ATXN1: variants seen among roughly 807,000 people sequenced by gnomAD.
ATXN1 encodes the protein ataxin-1.
Under a neutral mutation model 56.4 loss-of-function variants are expected in ATXN1, and 8 were observed. The ratio of observed to expected loss-of-function variants is 0.14; its 90% CI spans 0.08 to 0.26. ATXN1 has a LOEUF of 0.26. Ranked by LOEUF, ATXN1 falls within the 10% of genes least tolerant of loss-of-function variation. The pLI, the probability that ATXN1 is intolerant of heterozygous loss-of-function variation, is 1.00. For missense variants in ATXN1, 987 were observed against 1,106.5 expected, an observed-to-expected ratio of 0.89 and a Z score of 1.53; for synonymous variants, 514 against 494.6, an observed-to-expected ratio of 1.04 and a Z score of -0.52.
chr6:16,516,954 G>A (rs370756663), intron 5 of ATXN1, among the ~76,000 whole-genome samples: 119 of 152,238 alleles, frequency 7.8e-4, no homozygotes, highest in South Asian at 6.8e-3. Flanking sequence ...TGTGAGCCTC[G>A]CAAGCAGTAG....
intron 3 of ATXN1, among the ~76,000 whole-genome samples, chr6:16,589,394 C>G (rs1209472299): frequency 6.6e-6 from 1 of 151,368 alleles, no homozygotes; most frequent in Non-Finnish European, 1.5e-5. Context: ...TGTGTATATA[C>G]ACGCACACAT....
chr6:16,610,305 G>GA (rs1394731102), intron 3 of ATXN1, among the ~76,000 whole-genome samples: 2 of 150,988 alleles, frequency 1.3e-5, no homozygotes, highest in Non-Finnish European at 3.0e-5. Flanking sequence ...TATACAAGAA[G>GA]AAAAAAATGA....
intron 2 of ATXN1, among the ~76,000 whole-genome samples, chr6:16,715,038 C>T (rs1353646552): frequency 6.6e-6 from 1 of 152,154 alleles, no homozygotes; most frequent in Non-Finnish European, 1.5e-5. Flanking sequence ...CTCCCCTCTC[C>T]TTCCCTAACC....
chr6:16,549,541 G>A (rs1761877325), intron 4 of ATXN1, among the ~76,000 whole-genome samples: 1 of 152,146 alleles, frequency 6.6e-6, no homozygotes, highest in East Asian at 1.9e-4. Flanking sequence ...GGTGTCTGTT[G>A]TCCCACAGAG....
intron 6 of ATXN1, among the ~76,000 whole-genome samples, chr6:16,413,438 T>C (rs4716067): frequency 0.69 from 104,294 of 151,966 alleles, 36,195 homozygotes; most frequent in East Asian, 0.98. Context: ...GCTATAAACA[T>C]CCATCTTACT....
At chr6:16,595,810 G>T (rs1762803965) in intron 3 of ATXN1, among the ~76,000 whole-genome samples, 1 of 152,148 alleles carries the variant, frequency 6.6e-6, no homozygotes, top group Admixed American at 6.5e-5. Flanking sequence ...AGATTTTTTG[G>T]TGACTATCAG....
chr6:16,570,429 T>G (rs1762311866), intron 4 of ATXN1, among the ~76,000 whole-genome samples: 2 of 152,172 alleles, frequency 1.3e-5, no homozygotes, highest in African/African-American at 4.8e-5. Flanking sequence ...AGAATTTTTT[T>G]ATTGGTCATT....
At chr6:16,607,663 T>C (rs1763035500) in intron 3 of ATXN1, among the ~76,000 whole-genome samples, 1 of 152,222 alleles carries the variant, frequency 6.6e-6, no homozygotes, top group Non-Finnish European at 1.5e-5. Context: ...TGAAAACCAC[T>C]TCTTGCTTTA....
chr6:16,728,581 T>C (rs1359531924), intron 2 of ATXN1, among the ~76,000 whole-genome samples: 1 of 152,180 alleles, frequency 6.6e-6, no homozygotes, highest in African/African-American at 2.4e-5. Context: ...GCTACACAAA[T>C]AAGTTAGAAA....
chr6:16,608,570 A>G (rs1352993355), intron 3 of ATXN1, among the ~76,000 whole-genome samples: 1 of 152,234 alleles, frequency 6.6e-6, no homozygotes, highest in Non-Finnish European at 1.5e-5. Flanking sequence ...GGGGAGAAGC[A>G]ATAATCTGCT....
Position 16,300,911 on chromosome 6 carries a change from G to A in ATXN1, c.*5418C>T, listed in dbSNP as rs1409100590. On this transcript the variant is annotated 3_prime_UTR_variant, in exon 8 of 8. Coordinates refer to ENST00000436367, the MANE Select transcript of ATXN1 (RefSeq NM_001128164.2). ...CAGTATTCTCAAATCGCAGAATACC[G>A]AGTTCCCCTCCCTCAGACGAGGGCT... is the stretch of plus-strand genomic sequence containing the variant. 2.6e-5 allele frequency: 4 copies of A among 152,576 alleles called. No homozygotes were observed. The highest frequency in any genetic ancestry group is 2.1e-4 in the South Asian group (1 of 4,824). The allele number at this position is 152,576 out of a possible 1,614,324, so 9.5% of individuals were successfully genotyped here.
chr6:16,400,469 T>C (rs534446278), intron 6 of ATXN1, among the ~76,000 whole-genome samples: 35 of 152,208 alleles, frequency 2.3e-4, no homozygotes, highest in Non-Finnish European at 3.7e-4. Flanking sequence ...CATTTATTGT[T>C]GCAAGGTACA....
At position 16,760,576 on chromosome 6, in the gene ATXN1, C is replaced by G. The variant is rs1373317024; in HGVS notation, c.-730+722G>C. ...AGGCCACCCCTCTGCGCCCCCCGCC[C>G]GGCACCCGGCCGCGCGCAAAGTCCC... is the stretch of plus-strand genomic sequence containing the variant. On this transcript the variant is annotated intron_variant, in intron 1 of 7. Transcript: ENST00000436367. This position sits in a 1 kb window ranked among gnomAD's most constrained non-coding sequence, Gnocchi z 5.3. 6.6e-6 allele frequency among the ~76,000 whole-genome samples: 1 copy of G among 151,346 alleles called. No individual in the cohort carries two copies. The highest frequency in any genetic ancestry group is 2.4e-5 in the African/African-American group (1 of 41,304).
chr6:16,697,708 T>A (rs1204322563), intron 2 of ATXN1, among the ~76,000 whole-genome samples: 2 of 150,490 alleles, frequency 1.3e-5, no homozygotes, highest in African/African-American at 4.9e-5. Context: ...AAATGAACAG[T>A]CTGCCTTTTC....
chr6:16,602,839 A>C (rs1200174235), intron 3 of ATXN1, among the ~76,000 whole-genome samples: 1 of 152,202 alleles, frequency 6.6e-6, no homozygotes, highest in African/African-American at 2.4e-5. Flanking sequence ...CTTGCCATAA[A>C]GATAGAAATG....
chr6:16,407,183 T>C (rs1175543914), intron 6 of ATXN1, among the ~76,000 whole-genome samples: 1 of 152,224 alleles, frequency 6.6e-6, no homozygotes, highest in Non-Finnish European at 1.5e-5. Flanking sequence ...GTAATGACTG[T>C]TAACTTGGCT....
chr6:16,355,410 C>T (rs908809918), intron 6 of ATXN1, among the ~76,000 whole-genome samples: 1 of 152,212 alleles, frequency 6.6e-6, no homozygotes, highest in Non-Finnish European at 1.5e-5. Flanking sequence ...TGCCACTCTT[C>T]TAGCAGGCTC....
At chr6:16,409,624 G>A (rs1465131868) in intron 6 of ATXN1, among the ~76,000 whole-genome samples, 1 of 142,520 alleles carries the variant, frequency 7.0e-6, no homozygotes, top group African/African-American at 2.7e-5. Flanking sequence ...CTGCATTCCA[G>A]CCTGGGCAAT....
chr6:16,616,614 AT>A (rs1274062144), intron 3 of ATXN1, among the ~76,000 whole-genome samples: 1 of 145,844 alleles, frequency 6.9e-6, no homozygotes, highest in Non-Finnish European at 1.5e-5. Context: ...TATATAAAAT[AT>A]TTTATATATT....
Sources: gnomAD v4.1 joint callset for allele counts (sites outside exome capture counted in the v4.1 genomes callset) on GRCh38, gnomAD v4.1.1 for gene constraint, Gnocchi (gnomAD v3.1) non-coding constraint, MANE v1.5 for transcripts, NCBI Gene and HGNC (gene_info 2026-07-23, HGNC 2026-07-21) for gene names.